The following MRC1 variants were observed in gnomAD, a reference collection of about 807,000 sequenced individuals.
MRC1 encodes macrophage mannose receptor 1.
In MRC1, 62 loss-of-function variants were observed where a neutral mutation model predicts 102.9. The ratio of observed to expected loss-of-function variants is 0.60; its 90% confidence interval spans 0.49 to 0.74. The LOEUF is 0.74. MRC1 is among the 30% of genes least tolerant of loss of function. The probability of loss-of-function intolerance (pLI) is 0.00; values close to 1 mark genes in which losing one functional copy is unlikely to be tolerated. For missense variants in MRC1, 1,237 were observed against 862.8 expected (o/e 1.43, Z -5.43); for synonymous variants, 457 against 298.4 (o/e 1.53, Z -5.48).
intron 26 of MRC1, 142 bp downstream of exon 26, chr10:17,902,264 A>G (rs1833838874): frequency 1.6e-6 from 1 of 615,430 alleles, no homozygotes; most frequent in Non-Finnish European, 2.9e-6. Context: ...GGCCAATATC[A>G]TGCTTCCCAA....
At chr10:17,901,564 C>T (rs1349099638) in intron 25 of MRC1, among the ~76,000 whole-genome samples, 3 of 152,028 alleles carry the variant, frequency 2.0e-5, no homozygotes, top group Non-Finnish European at 4.4e-5. Flanking sequence ...TGGCAGGCAC[C>T]TGTAATCCCA....
chr10:17,879,062 C>T (rs1399292488), intron 18 of MRC1, among the ~76,000 whole-genome samples: 1 of 152,298 alleles, frequency 6.6e-6, no homozygotes, highest in South Asian at 2.1e-4. Flanking sequence ...ATTCTATACA[C>T]TCTGCCTCTC....
intron 3 of MRC1, among the ~76,000 whole-genome samples, chr10:17,829,889 A>G (rs1044238743): frequency 1.1e-4 from 17 of 151,686 alleles, no homozygotes; most frequent in African/African-American, 3.9e-4. Flanking sequence ...TTGGAGACGT[A>G]TCTTGAGTTT....
intron 21 of MRC1, among the ~76,000 whole-genome samples, chr10:17,884,502 G>A (rs1334584677): frequency 6.6e-6 from 1 of 152,188 alleles, no homozygotes; most frequent in Non-Finnish European, 1.5e-5. Context: ...AGGTTTGATT[G>A]ACTCACACTT....
In MRC1 at chr10:17,849,472, C is replaced by T. The variant is rs1237056383; in HGVS notation, c.1064-107C>T. The T allele has an allele frequency of 9.1e-6, 6 of 656,554 alleles. No homozygotes were observed. The African/African-American group carries it at 9.2e-5, about 10-fold the overall frequency. 40.7% of individuals were successfully genotyped at this position (656,554 alleles called of 1,614,324 possible). The stretch of plus-strand genomic sequence containing the variant: ...AAAACTAAATGTTACCTTTATTTGC[C>T]TAGTAACTATAAGCTGTTTCATGTA... On this transcript the variant is annotated intron_variant, in intron 6 of 29. Coordinates refer to ENST00000569591, the MANE Select transcript of MRC1 (RefSeq NM_002438.4).
intron 6 of MRC1, among the ~76,000 whole-genome samples, chr10:17,846,196 C>T (rs1290084512): frequency 2.0e-5 from 3 of 152,076 alleles, no homozygotes; most frequent in African/African-American, 7.3e-5. Context: ...GCATGAGCCA[C>T]CGTGCCTGGC....
intron 22 of MRC1, among the ~76,000 whole-genome samples, chr10:17,891,923 G>T (rs1554843149): frequency 6.6e-6 from 1 of 152,170 alleles, no homozygotes; most frequent in Non-Finnish European, 1.5e-5. Context: ...CTATGATGGG[G>T]ACTCTGACTT....
chr10:17,870,866 C>G lies in MRC1; in HGVS notation c.2130C>G (p.His710Gln). The change falls in exon 14 of 30, where the codon CAC becomes CAG. Residue 710 changes from histidine to glutamine, a missense_variant. Transcript: ENST00000569591. ...WRLITASGSY[H>Q]KLFWLGLTYG... ...TTCATAGAGCTAGTGGAAGCTACCA[C>G]AAACTGTTTTGGTTGGGATTGACAT... 1 of 872,448 alleles carries G rather than the reference C, an allele frequency of 1.1e-6. No homozygotes were observed. The highest frequency in any genetic ancestry group is 1.7e-5 in the Admixed American group (1 of 59,184). 54.0% of individuals were successfully genotyped at this position (872,448 alleles called of 1,614,324 possible).
chr10:17,849,054 A>G (rs1400280257), intron 6 of MRC1, among the ~76,000 whole-genome samples: 3 of 151,994 alleles, frequency 2.0e-5, no homozygotes, highest in African/African-American at 7.2e-5. Context: ...ACAGTGCATA[A>G]CAGATGCTTA....
intron 6 of MRC1, among the ~76,000 whole-genome samples, chr10:17,848,406 A>G (rs1210514320): frequency 1.3e-5 from 2 of 152,208 alleles, no homozygotes; most frequent in Non-Finnish European, 2.9e-5. Flanking sequence ...TGCCAGGCTC[A>G]AGGCAATAGG....
chr10:17,892,451 G>A (rs925282100), intron 22 of MRC1, among the ~76,000 whole-genome samples: 47 of 152,170 alleles, frequency 3.1e-4, no homozygotes, highest in Admixed American at 1.0e-3. Context: ...CCATCAGTCC[G>A]TTTCTCCAAT....
At chr10:17,841,355 A>T (rs1305290514) in intron 5 of MRC1, among the ~76,000 whole-genome samples, 1 of 152,192 alleles carries the variant, frequency 6.6e-6, no homozygotes, top group African/African-American at 2.4e-5. Context: ...ATTAACACCC[A>T]CTTTTCCTGT....
chr10:17,885,554 T>G, intron 22 of MRC1, 119 bp downstream of exon 22: 1 of 692,518 alleles, frequency 1.4e-6, no homozygotes, highest in Admixed American at 2.2e-5. Flanking sequence ...GTTCTATGCT[T>G]GCAGATTTTA....
In MRC1 at chr10:17,875,209, G is replaced by A. The variant is rs2130682687; in HGVS notation, c.2506G>A (p.Val836Ile). 1 of 780,808 alleles carries A rather than the reference G, an allele frequency of 1.3e-6. No individual in the cohort carries two copies. The highest frequency in any genetic ancestry group is 1.7e-5 in the African/African-American group (1 of 59,234). The allele number at this position is 780,808 out of a possible 1,614,324, so 48.4% of individuals were successfully genotyped here. ...AFCKRNFGDL[V>I]SIQSESEKKF... is the part of the protein sequence containing the mutation. ...TTGCAAGAGGAATTTTGGTGATCTTGTTTCTATTCAAAGTGAAAGTGAAAA... is the reference window on the plus strand; with the variant it reads ...TTGCAAGAGGAATTTTGGTGATCTTATTTCTATTCAAAGTGAAAGTGAAAA... Residue 836 changes from valine to isoleucine, a missense_variant, in exon 17 of 30, where the codon GTT becomes ATT. Val to Ile is a conservative substitution (Grantham distance 29). Transcript: ENST00000569591.
At chr10:17,873,447 C>G (rs1391113161) in intron 15 of MRC1, among the ~76,000 whole-genome samples, 1 of 151,802 alleles carries the variant, frequency 6.6e-6, no homozygotes, top group Non-Finnish European at 1.5e-5. Context: ...TGATTTAAAC[C>G]CAGGCTTGGG....
chr10:17,890,133 T>C (rs1833652790), intron 22 of MRC1, among the ~76,000 whole-genome samples: 1 of 152,192 alleles, frequency 6.6e-6, no homozygotes, highest in African/African-American at 2.4e-5. Context: ...GCACTTTAAA[T>C]ATTGCATTCC....
rs1159143035 is a variant in MRC1 at position 17,881,834 on chromosome 10, G to GTT, written c.2980+681_2980+682dup. ...CAATGCTCGCCTAATATTTTTTAAAGTTTTTTTTTTTTTTTTTTTTTTTTT... is the reference window on the plus strand; with the variant it reads ...CAATGCTCGCCTAATATTTTTTAAAGTTTTTTTTTTTTTTTTTTTTTTTTTTT... On this transcript the variant is annotated intron_variant, in intron 21 of 29. Transcript: ENST00000569591. 2.1e-3 allele frequency among the ~76,000 whole-genome samples: 128 copies of GTT among 61,886 alleles called. 6 individuals carry two copies. Among genetic ancestry groups the GTT allele is most frequent in the South Asian group, 3.9e-3 (5 of 1,266 alleles). 40.6% of individuals were successfully genotyped at this position (61,886 alleles called of 152,430 possible). A position where few individuals can be genotyped will look rare whatever the true frequency, so the allele number is the denominator to read the frequency against.
In MRC1 at chr10:17,809,481, C is replaced by A; in HGVS notation, c.16C>A (p.Leu6Ile). Residue 6 changes from leucine (L) to isoleucine (I), a missense_variant, in exon 1 of 30, where the codon CTC (leucine) becomes ATC (isoleucine). Coordinates refer to ENST00000569591, the MANE Select transcript of MRC1 (RefSeq NM_002438.4). MRLPL[L>I]LVFASVIPGA... is the part of the protein sequence containing the mutation. Reference sequence around the variant, plus strand: ...ACCCTGGGCCATGAGGCTACCCCTGCTCCTGGTTTTTGCCTCTGTCATTCC... The same window carrying A: ...ACCCTGGGCCATGAGGCTACCCCTGATCCTGGTTTTTGCCTCTGTCATTCC... 6 of 872,788 alleles carry A rather than the reference C, an allele frequency of 6.9e-6. No homozygotes were observed. The highest frequency in any genetic ancestry group is 1.2e-5 in the Non-Finnish European group (6 of 501,526). 54.1% of individuals were successfully genotyped at this position (872,788 alleles called of 1,614,324 possible).
chr10:17,814,147 T>C (rs1394092823), intron 1 of MRC1, among the ~76,000 whole-genome samples: 1 of 152,176 alleles, frequency 6.6e-6, no homozygotes, highest in Non-Finnish European at 1.5e-5. Flanking sequence ...TGTGAGAAAG[T>C]TGAAGCTCTG....
Sources: allele counts gnomAD v4.1 joint callset (sites outside exome capture counted in the v4.1 genomes callset), GRCh38; gene constraint gnomAD v4.1.1; transcripts MANE v1.5; gene names NCBI Gene and HGNC (gene_info 2026-07-23, HGNC 2026-07-21).